Variants in PALLD observed in about 807,000 individuals in gnomAD.
PALLD encodes the protein palladin.
Under a neutral mutation model 123.5 loss-of-function variants are expected in PALLD, and 61 were observed. That is an observed-to-expected ratio of 0.49 (90% CI 0.40 to 0.61). The LOEUF is 0.61. PALLD is among the 20% of genes least tolerant of loss of function. The probability of loss-of-function intolerance (pLI) is 0.00; values close to 1 mark genes in which losing one functional copy is unlikely to be tolerated. For missense variants in PALLD, 1,273 were observed against 1,377.0 expected, an observed-to-expected ratio of 0.92 and a Z score of 1.20; for synonymous variants, 465 against 496.4, an observed-to-expected ratio of 0.94 and a Z score of 0.84.
Position 168,573,608 on chromosome 4 carries a change from T to C in PALLD, c.908+61196T>C, listed in dbSNP as rs564190905. 8.5e-5 allele frequency among the ~76,000 whole-genome samples: 13 copies of C among 152,270 alleles called. No individual in the cohort carries two copies. In the South Asian group the frequency reaches 2.7e-3, roughly 32 times the overall value. ...AACTACAATTTAGAGAGATGATTGCTATGACTGAAAGGTATGAAGAGTTCT... is the reference window on the plus strand; with the variant it reads ...AACTACAATTTAGAGAGATGATTGCCATGACTGAAAGGTATGAAGAGTTCT... On this transcript the variant is annotated intron_variant, in intron 2 of 21. Transcript: ENST00000505667.
intron 3 of PALLD, among the ~76,000 whole-genome samples, chr4:168,675,434 T>C (rs546359402): frequency 1.3e-5 from 2 of 152,354 alleles, no homozygotes; most frequent in South Asian, 2.1e-4. Context: ...GGTAATCACA[T>C]AGGGTAAAGC....
intron 10 of PALLD, among the ~76,000 whole-genome samples, chr4:168,847,901 T>C (rs1483340214): frequency 6.6e-6 from 1 of 152,148 alleles, no homozygotes; most frequent in Non-Finnish European, 1.5e-5. Context: ...AGAAACTAAG[T>C]CCCAGGCATA....
intron 10 of PALLD, among the ~76,000 whole-genome samples, chr4:168,881,923 G>C (rs1752667452): frequency 6.6e-6 from 1 of 152,236 alleles, no homozygotes; most frequent in Non-Finnish European, 1.5e-5. Context: ...GCCATACTAA[G>C]TCTGAAGGGT....
intron 12 of PALLD, among the ~76,000 whole-genome samples, chr4:168,895,380 C>CCAAAA (rs1446424787): frequency 1.3e-5 from 2 of 152,146 alleles, no homozygotes; most frequent in Non-Finnish European, 2.9e-5. Flanking sequence ...GACTTCGTCT[C>CCAAAA]CAAAACAAAA....
At chr4:168,541,595 C>T (rs897676679) in intron 2 of PALLD, among the ~76,000 whole-genome samples, 32 of 152,112 alleles carry the variant, frequency 2.1e-4, no homozygotes, top group East Asian at 1.5e-3. Context: ...GGATTACAGG[C>T]GCTCGCCACC....
intron 4 of PALLD, among the ~76,000 whole-genome samples, chr4:168,682,494 C>T (rs1781640514): frequency 6.6e-6 from 1 of 152,060 alleles, no homozygotes; most frequent in Admixed American, 6.6e-5. Flanking sequence ...AACTTATATG[C>T]ACTAAGAAAA....
chr4:168,520,787 GC>G (rs1200324444), intron 2 of PALLD, among the ~76,000 whole-genome samples: 2 of 152,306 alleles, frequency 1.3e-5, no homozygotes, highest in East Asian at 3.9e-4. Context: ...GCCCATTCCA[GC>G]TGTATAAATG....
At chr4:168,587,112 C>G (rs59868250) in intron 2 of PALLD, among the ~76,000 whole-genome samples, 16,568 of 152,124 alleles carry the variant, frequency 0.11, 1,005 homozygotes, top group African/African-American at 0.16. Context: ...CACCCCCCGA[C>G]GACAAAGAAT....
At chr4:168,807,501 G>A (rs1036303217) in intron 10 of PALLD, among the ~76,000 whole-genome samples, 4 of 152,126 alleles carry the variant, frequency 2.6e-5, no homozygotes, top group East Asian at 1.9e-4. Context: ...CCTCCGCCTC[G>A]TGGGTTCGTG....
intron 10 of PALLD, among the ~76,000 whole-genome samples, chr4:168,878,946 ATACT>A (rs1581878719): frequency 6.6e-6 from 1 of 152,228 alleles, no homozygotes. Context: ...TATTAAGTAT[ATACT>A]TAGTGTTTTT....
intron 2 of PALLD, among the ~76,000 whole-genome samples, chr4:168,561,590 T>C (rs1767874785): frequency 6.6e-6 from 1 of 152,196 alleles, no homozygotes; most frequent in African/African-American, 2.4e-5. Context: ...TGACCAACTT[T>C]CAAAAATCCT....
intron 10 of PALLD, among the ~76,000 whole-genome samples, chr4:168,779,806 A>T (rs76616233): frequency 5.3e-5 from 8 of 152,088 alleles, no homozygotes; most frequent in Non-Finnish European, 1.2e-4. Flanking sequence ...TCCTCATTTA[A>T]TATCTTTGTC....
At chr4:168,498,550 C>T (rs1760997865) in intron 1 of PALLD, among the ~76,000 whole-genome samples, 1 of 152,186 alleles carries the variant, frequency 6.6e-6, no homozygotes, top group African/African-American at 2.4e-5. Context: ...CAGACAAGAG[C>T]TCCACTTCTT....
At chr4:168,718,414 T>C (rs921600492) in intron 10 of PALLD, among the ~76,000 whole-genome samples, 1 of 152,228 alleles carries the variant, frequency 6.6e-6, no homozygotes, top group Non-Finnish European at 1.5e-5. Context: ...TTTTAAAATC[T>C]AGCACACTTT....
intron 10 of PALLD, among the ~76,000 whole-genome samples, chr4:168,821,136 T>A (rs1307466455): frequency 6.6e-6 from 1 of 152,146 alleles, no homozygotes; most frequent in Non-Finnish European, 1.5e-5. Flanking sequence ...AGTGAGGGTA[T>A]TTAGTTGAAT....
Position 168,717,968 on chromosome 4 carries a change from T to C in PALLD, c.1964+6045T>C, listed in dbSNP as rs1448941228. Among the ~76,000 whole-genome samples the C allele has an allele frequency of 1.3e-5, 2 of 152,212 alleles. 1 individual carries two copies. The highest frequency in any genetic ancestry group is 2.9e-5 in the Non-Finnish European group (2 of 68,036). ...GACATTTTCACTCTCTAGTACATAC[T>C]TGCAATGTCAGTTGGCCACAGTGCA... On this transcript the variant is annotated intron_variant, in intron 10 of 21. Transcript: ENST00000505667.
chr4:168,580,988 G>T (rs980797840), intron 2 of PALLD, among the ~76,000 whole-genome samples: 2 of 151,674 alleles, frequency 1.3e-5, no homozygotes, highest in African/African-American at 4.8e-5. Flanking sequence ...AAGGTTGGAG[G>T]TGGGAGAGGT....
At chr4:168,517,857 T>C (rs1299906821) in intron 2 of PALLD, among the ~76,000 whole-genome samples, 1 of 152,112 alleles carries the variant, frequency 6.6e-6, no homozygotes, top group Admixed American at 6.5e-5. Flanking sequence ...ATCCTGACAA[T>C]ACACGTGTTG....
chr4:168,555,857 G>T (rs548961537), intron 2 of PALLD, among the ~76,000 whole-genome samples: 1 of 152,298 alleles, frequency 6.6e-6, no homozygotes, highest in East Asian at 1.9e-4. Context: ...TAGCATAGTT[G>T]TTAAGACCTA....
Sources: allele counts gnomAD v4.1 joint callset (sites outside exome capture counted in the v4.1 genomes callset), GRCh38; gene constraint gnomAD v4.1.1; transcripts MANE v1.5; gene names NCBI Gene and HGNC (gene_info 2026-07-23, HGNC 2026-07-21).